Variants in GLOD4 observed in about 807,000 individuals in gnomAD.
The protein encoded by GLOD4 is glyoxalase domain-containing protein 4.
A neutral mutation model predicts 39.1 loss-of-function variants in GLOD4; 44 were observed. The observed-to-expected ratio is 1.13, with a 90% CI of 0.88 to 1.45. GLOD4 has a LOEUF of 1.45. Ranked by LOEUF, GLOD4 falls within the 40% of genes most tolerant of loss-of-function variation. The probability of loss-of-function intolerance (pLI) is 0.00; values close to 1 mark genes in which losing one functional copy is unlikely to be tolerated. For missense variants in GLOD4, 405 were observed against 366.4 expected (o/e 1.11, Z -0.86); for synonymous variants, 145 against 135.0 (o/e 1.07, Z -0.52).
At chr17:772,648 G>T (rs1036130908) in intron 4 of GLOD4, among the ~76,000 whole-genome samples, 1 of 152,070 alleles carries the variant, frequency 6.6e-6, no homozygotes, top group Non-Finnish European at 1.5e-5. Flanking sequence ...ATAGGCAAAA[G>T]GCACAAAGCA....
intron 8 of GLOD4, among the ~76,000 whole-genome samples, chr17:767,505 G>A (rs530312361): frequency 2.0e-4 from 29 of 146,948 alleles, no homozygotes; most frequent in Non-Finnish European, 4.0e-4. Flanking sequence ...ACGTAAGAGG[G>A]AGAAACAGCG....
upstream of GLOD4, chr17:783,534 A>AC (rs1329497319): frequency 6.9e-6 from 3 of 435,050 alleles, no homozygotes; most frequent in East Asian, 1.4e-4. Flanking sequence ...GTGGGGTTTC[A>AC]CCATGTTGGC....
chr17:777,895 A>C (rs1009917047), intron 2 of GLOD4, among the ~76,000 whole-genome samples: 1 of 152,180 alleles, frequency 6.6e-6, no homozygotes, highest in African/African-American at 2.4e-5. Flanking sequence ...GCTGGTCACC[A>C]GAAAGACAAA....
At position 771,310 on chromosome 17, in the gene GLOD4, T is replaced by C. The variant is rs1008232332; in HGVS notation, c.543+15A>G. On this transcript the variant is annotated intron_variant, in intron 5 of 8. Coordinates refer to ENST00000301329, the MANE Select transcript of GLOD4 (RefSeq NM_016080.4). The stretch of plus-strand genomic sequence containing the variant: ...AATTCAAAGTAACAGGTTATTCTTC[T>C]CCAAGATTGCTCACCTGGTTATCAG... 2 of 1,558,878 alleles carry C rather than the reference T, an allele frequency of 1.3e-6. No individual in the cohort carries two copies. The highest frequency in any genetic ancestry group is 1.7e-6 in the Non-Finnish European group (2 of 1,146,856).
chr17:783,602 G>C (rs1910361652), upstream of GLOD4: 1 of 310,602 alleles, frequency 3.2e-6, no homozygotes, highest in Non-Finnish European at 6.3e-6. Context: ...CTCCCAAAGT[G>C]CTGGGATTAC....
In GLOD4 at chr17:778,780, C is replaced by T. The variant is rs573318904; in HGVS notation, c.91-36G>A. The T allele has an allele frequency of 2.1e-5, 27 of 1,286,722 alleles. No homozygotes were observed. In the East Asian group the frequency reaches 2.8e-4, roughly 13 times the overall value. 79.7% of individuals were successfully genotyped at this position (1,286,722 alleles called of 1,614,324 possible). On this transcript the variant is annotated intron_variant, in intron 1 of 8. Coordinates refer to ENST00000301329, the MANE Select transcript of GLOD4 (RefSeq NM_016080.4). ...ATTTAGAATAAATTGTGAAGTGTTG[C>T]TAGTACTGCTCACAGCGTCTTTAGC...
At chr17:775,434 G>A (rs1462189404) in intron 4 of GLOD4, among the ~76,000 whole-genome samples, 2 of 152,184 alleles carry the variant, frequency 1.3e-5, no homozygotes, top group African/African-American at 4.8e-5. Flanking sequence ...GGGAGCTGGT[G>A]AATCATCTAA....
intron 8 of GLOD4, among the ~76,000 whole-genome samples, chr17:762,815 C>G (rs1905747698): frequency 6.6e-6 from 1 of 152,258 alleles, no homozygotes; most frequent in African/African-American, 2.4e-5. Context: ...CAATGACTTA[C>G]TCATTCTTAG....
chr17:764,859 T>G lies in GLOD4; in HGVS notation c.832-4621A>C, dbSNP rs555745645. 4 of 150,146 alleles carry G rather than the reference T, an allele frequency of 2.7e-5. No individual in the cohort carries two copies. In the East Asian group the frequency reaches 8.5e-4, roughly 32 times the overall value. 9.3% of individuals were successfully genotyped at this position (150,146 alleles called of 1,614,324 possible). On this transcript the variant is annotated intron_variant, in intron 8 of 8. Transcript: ENST00000301329. ...CGTCTCTACTAAAAATACAAAAAATTAGCCGGGCGAGGTGGCAGGTGCCTG... is the reference window on the plus strand; with the variant it reads ...CGTCTCTACTAAAAATACAAAAAATGAGCCGGGCGAGGTGGCAGGTGCCTG...
chr17:776,016 T>A, intron 3 of GLOD4, 97 bp from the exon 4 acceptor site: 1 of 870,168 alleles, frequency 1.1e-6, no homozygotes, highest in Non-Finnish European at 1.8e-6. Context: ...TGCCTTTAGG[T>A]AAAATCACCT....
intron 2 of GLOD4, chr17:778,461 C>A: frequency 1.7e-6 from 1 of 593,902 alleles, no homozygotes; most frequent in Non-Finnish European, 3.0e-6. Flanking sequence ...AAATGTGTTC[C>A]CGACGCTCCT....
chr17:772,676 G>T (rs1290149751), intron 4 of GLOD4, among the ~76,000 whole-genome samples: 1 of 152,100 alleles, frequency 6.6e-6, no homozygotes, highest in Non-Finnish European at 1.5e-5. Context: ...ACAAAACAAG[G>T]AATTAGAATG....
chr17:763,071 GGAGGCT>G (rs1484459386), intron 8 of GLOD4, among the ~76,000 whole-genome samples: 2 of 152,032 alleles, frequency 1.3e-5, no homozygotes, highest in Admixed American at 6.6e-5. Context: ...CAGCTACTCG[GGAGGCT>G]GAGGCTGAGG....
chr17:761,057 A>G (rs1030970292), intron 8 of GLOD4, among the ~76,000 whole-genome samples: 1 of 152,238 alleles, frequency 6.6e-6, no homozygotes, highest in Non-Finnish European at 1.5e-5. Flanking sequence ...AGAGCCAGGT[A>G]CCACGCTGGG....
At chr17:767,586 T>C (rs1364387513) in intron 8 of GLOD4, among the ~76,000 whole-genome samples, 1 of 148,426 alleles carries the variant, frequency 6.7e-6, no homozygotes, top group Non-Finnish European at 1.5e-5. Flanking sequence ...CTCAGATTTT[T>C]AGAAGAAGAA....
At chr17:781,670 T>C (rs771315343) in intron 1 of GLOD4, among the ~76,000 whole-genome samples, 2 of 152,092 alleles carry the variant, frequency 1.3e-5, no homozygotes, top group African/African-American at 4.8e-5. Flanking sequence ...GACAGACCGC[T>C]TCTGGGTGCT....
At chr17:776,614 G>T (rs557011026) in intron 3 of GLOD4, among the ~76,000 whole-genome samples, 2 of 152,000 alleles carry the variant, frequency 1.3e-5, no homozygotes, top group African/African-American at 4.8e-5. Context: ...CTCCCCTCTC[G>T]TTCTCTATTC....
chr17:782,628 C>A (rs1301624298), upstream of GLOD4: 2 of 1,613,736 alleles, frequency 1.2e-6, no homozygotes, highest in Non-Finnish European at 1.7e-6. Context: ...ATCCCGCGCT[C>A]CCAGCACCTG....
intron 4 of GLOD4, among the ~76,000 whole-genome samples, chr17:774,195 A>T (rs2750008): frequency 0.076 from 11,590 of 152,226 alleles, 739 homozygotes; most frequent in East Asian, 0.34. Flanking sequence ...CCACACAGCC[A>T]AGTCTAGCCT....
Sources: allele counts gnomAD v4.1 joint callset (sites outside exome capture counted in the v4.1 genomes callset), GRCh38; gene constraint gnomAD v4.1.1; transcripts MANE v1.5; gene names NCBI Gene and HGNC (gene_info 2026-07-23, HGNC 2026-07-21).